Variants in BSCL2 observed in about 807,000 individuals in gnomAD.
BSCL2 encodes the protein seipin.
A neutral mutation model predicts 57.4 loss-of-function variants in BSCL2; 41 were observed. That is an observed-to-expected ratio of 0.71 (90% CI 0.56 to 0.93). The LOEUF (loss-of-function observed/expected upper bound fraction) is 0.93, where lower values mean the gene tolerates loss of function less well. BSCL2 is among the 40% of genes least tolerant of loss of function. BSCL2 has a pLI of 0.00. For missense variants in BSCL2, 539 were observed against 586.7 expected, an observed-to-expected ratio of 0.92 and a Z score of 0.84; for synonymous variants, 237 against 227.3, an observed-to-expected ratio of 1.04 and a Z score of -0.38.
intron 3 of BSCL2, among the ~76,000 whole-genome samples, chr11:62,698,614 G>A (rs1470358040): frequency 2.0e-5 from 3 of 152,344 alleles, no homozygotes; most frequent in South Asian, 2.1e-4. Flanking sequence ...ATAGCAAGCC[G>A]TTACACATAG....
intron 3 of BSCL2, among the ~76,000 whole-genome samples, chr11:62,696,597 C>T (rs1945472612): frequency 6.6e-6 from 1 of 151,958 alleles, no homozygotes; most frequent in African/African-American, 2.4e-5. Context: ...GCTCTTGTCA[C>T]AAAGGCTGGA....
At chr11:62,703,051 G>A (rs982805688) in intron 2 of BSCL2, among the ~76,000 whole-genome samples, 1 of 151,828 alleles carries the variant, frequency 6.6e-6, no homozygotes, top group African/African-American at 2.4e-5. Flanking sequence ...TCGGGACGCT[G>A]AGGCAGAAGA....
chr11:62,709,113 G>C, upstream of BSCL2: 1 of 479,784 alleles, frequency 2.1e-6, no homozygotes, highest in South Asian at 1.6e-5. Flanking sequence ...AGACAATGGA[G>C]AGGGATGGGC....
intron 6 of BSCL2, among the ~76,000 whole-genome samples, chr11:62,691,918 C>G (rs971683319): frequency 4.6e-5 from 7 of 151,984 alleles, no homozygotes; most frequent in East Asian, 1.9e-4. Flanking sequence ...CAGGTGTGGT[C>G]GCAGGCGCCT....
chr11:62,700,011 G>A (rs1043748720), intron 3 of BSCL2, among the ~76,000 whole-genome samples: 36 of 150,418 alleles, frequency 2.4e-4, no homozygotes, highest in African/African-American at 8.1e-4. Context: ...AGGCTGAGTC[G>A]GGAGGACCAC....
intron 1 of BSCL2, 67 bp downstream of exon 1, chr11:62,707,042 G>T: frequency 7.4e-7 from 1 of 1,344,742 alleles, no homozygotes; most frequent in Non-Finnish European, 1.0e-6. Flanking sequence ...CCATCCCCCC[G>T]CCCCCTTCAC....
intron 1 of BSCL2, chr11:62,706,117 C>G (rs1387433721): frequency 1.4e-6 from 1 of 703,792 alleles, no homozygotes; most frequent in African/African-American, 2.0e-5. Context: ...CTACACCCCA[C>G]GCCCGGCGGA....
intron 1 of BSCL2, chr11:62,706,675 A>AT: frequency 2.1e-6 from 1 of 477,994 alleles, no homozygotes; most frequent in South Asian, 1.5e-5. Context: ...GCTGGCGCTG[A>AT]TTTTTATCGC....
chr11:62,698,380 G>A (rs1373185869), intron 3 of BSCL2, among the ~76,000 whole-genome samples: 2 of 150,500 alleles, frequency 1.3e-5, no homozygotes, highest in African/African-American at 2.4e-5. Context: ...TGCATTTTGA[G>A]TAGAGACAGG....
In BSCL2 at chr11:62,691,101, T is replaced by G. The variant is rs774675617; in HGVS notation, c.1046A>C (p.Gln349Pro). ...RKRDNSRKEV[Q>P]RRISAHQPGP... ...TGGCTGATGAGCAGAGATCCTTCGT[T>G]GGACTTCCTTCCGGGAATTGTCTCT... Residue 349 changes from glutamine (Q) to proline (P), a missense_variant, in exon 8 of 11, where the codon CAA becomes CCA. Coordinates refer to ENST00000360796, the MANE Select transcript of BSCL2 (RefSeq NM_001122955.4). The G allele has an allele frequency of 1.2e-6, 2 of 1,614,248 alleles. No homozygotes were observed. The highest frequency in any genetic ancestry group is 1.1e-5 in the South Asian group (1 of 91,092).
intron 3 of BSCL2, among the ~76,000 whole-genome samples, chr11:62,696,276 T>TGTG (rs1554984014): frequency 2.0e-5 from 1 of 51,028 alleles, no homozygotes; most frequent in African/African-American, 4.2e-5. Flanking sequence ...TTCATAAACT[T>TGTG]TTTGTGTGTG....
In BSCL2 at chr11:62,691,448, G is replaced by A. The variant is rs759353968; in HGVS notation, c.864-27C>T. 5.0e-6 allele frequency: 8 copies of A among 1,613,042 alleles called. No homozygotes were observed. In the Admixed American group the frequency reaches 1.2e-4, roughly 24 times the overall value. ...TGAGGCAGGAAGTAGGGACAAGAAG[G>A]TAGTAGCAGTTACCAGAGAGCACCA... On this transcript the variant is annotated intron_variant, in intron 6 of 10. Transcript: ENST00000360796.
At chr11:62,696,313 T>TGTGTGTGTGTGTGTGTGTGA (rs925519812) in intron 3 of BSCL2, among the ~76,000 whole-genome samples, 4 of 151,304 alleles carry the variant, frequency 2.6e-5, no homozygotes, top group Non-Finnish European at 5.9e-5. Context: ...TGTGTGTGTG[T>TGTGTGTGTGTGTGTGTGTGA]GAAGACAAGG....
upstream of BSCL2, chr11:62,708,096 T>C (rs957739043): frequency 1.7e-6 from 1 of 599,194 alleles, no homozygotes; most frequent in Non-Finnish European, 3.0e-6. Context: ...ATGAGGGAGT[T>C]TGGGGAGCAC....
chr11:62,691,170 G>C (rs1169031962), intron 7 of BSCL2, 29 bp from the exon 8 acceptor site: 4 of 1,613,980 alleles, frequency 2.5e-6, no homozygotes, highest in Non-Finnish European at 3.4e-6. Flanking sequence ...TGAGCAGCCA[G>C]GACTGACTTC....
At chr11:62,694,223 T>G (rs1945386298) in intron 4 of BSCL2, among the ~76,000 whole-genome samples, 1 of 82,996 alleles carries the variant, frequency 1.2e-5, no homozygotes, top group South Asian at 4.2e-4. Flanking sequence ...TTTTTTTTTT[T>G]GAGACGGTCT....
rs572867847 is a variant in BSCL2, at chr11:62,705,432, C to T, written c.273G>A (p.Leu91=). ...GQVLAGRARR[L]LLQFGVLFCT... ...AGAAGAGCACCCCAAACTGCAGCAG[C>T]AGCCTGCGGGCACGGCCTGCCAAGA... The change falls in exon 2 of 11, where the codon CTG becomes CTA. Residue 91 remains leucine, a synonymous_variant. Transcript: ENST00000360796. The T allele has an allele frequency of 6.2e-7, 1 of 1,614,246 alleles. No homozygotes were observed. Among genetic ancestry groups the T allele is most frequent in the Admixed American group, 1.7e-5 (1 of 60,032 alleles).
intron 3 of BSCL2, among the ~76,000 whole-genome samples, chr11:62,701,754 C>T (rs1945646259): frequency 6.6e-6 from 1 of 150,994 alleles, no homozygotes; most frequent in Admixed American, 6.6e-5. Flanking sequence ...ATCGCTTGAA[C>T]CCAGGAGGTG....
intron 3 of BSCL2, among the ~76,000 whole-genome samples, chr11:62,699,041 G>T (rs1945558133): frequency 6.6e-6 from 1 of 152,012 alleles, no homozygotes; most frequent in South Asian, 2.1e-4. Context: ...GAGTAGCTGG[G>T]ATTACAGGTG....
Sources: allele counts gnomAD v4.1 joint callset (sites outside exome capture counted in the v4.1 genomes callset), GRCh38; gene constraint gnomAD v4.1.1; transcripts MANE v1.5; gene names NCBI Gene and HGNC (gene_info 2026-07-23, HGNC 2026-07-21).